Variants in SORCS1 observed in about 807,000 individuals in gnomAD.
SORCS1 encodes the protein VPS10 domain-containing receptor SorCS1.
Under a neutral mutation model 146.1 loss-of-function variants are expected in SORCS1, and 60 were observed. The ratio of observed to expected loss-of-function variants is 0.41; its 90% confidence interval spans 0.33 to 0.51. The LOEUF is 0.51. Ranked by LOEUF, SORCS1 falls within the 20% of genes least tolerant of loss-of-function variation. The pLI, the probability that SORCS1 is intolerant of heterozygous loss-of-function variation, is 0.21. For missense variants in SORCS1, 1,352 were observed against 1,487.6 expected (o/e 0.91, Z 1.50); for synonymous variants, 637 against 584.0 (o/e 1.09, Z -1.31).
intron 1 of SORCS1, among the ~76,000 whole-genome samples, chr10:107,030,364 A>T (rs1478146378): frequency 6.6e-6 from 1 of 152,338 alleles, no homozygotes; most frequent in South Asian, 2.1e-4. Flanking sequence ...AGTGACAGAT[A>T]AGAAAATGCA....
chr10:107,172,262 GT>G, the SORCS1 span, among the ~76,000 whole-genome samples: 1 of 152,156 alleles, frequency 6.6e-6, no homozygotes, highest in East Asian at 1.9e-4. Context: ...TGCTACCATA[GT>G]TTAACCCCAA....
intron 18 of SORCS1, among the ~76,000 whole-genome samples, chr10:106,651,369 T>G (rs768020050): frequency 6.6e-6 from 1 of 152,154 alleles, no homozygotes; most frequent in African/African-American, 2.4e-5. Flanking sequence ...TGAAGCACAA[T>G]GCACAATGCA....
intron 6 of SORCS1, among the ~76,000 whole-genome samples, chr10:106,717,491 G>A (rs1474900928): frequency 6.6e-6 from 1 of 152,224 alleles, no homozygotes. Flanking sequence ...TTGGCATGAT[G>A]AGTGTGATTT....
intron 1 of SORCS1, among the ~76,000 whole-genome samples, chr10:107,037,624 C>G (rs573377216): frequency 1.3e-5 from 2 of 152,300 alleles, no homozygotes; most frequent in South Asian, 4.1e-4. Flanking sequence ...TTTCAGAATA[C>G]TGAACATTAT....
At chr10:107,126,731 T>C (rs1377431492) in intron 1 of SORCS1, among the ~76,000 whole-genome samples, 1 of 152,138 alleles carries the variant, frequency 6.6e-6, no homozygotes, top group East Asian at 1.9e-4. Context: ...ATGTGGATTT[T>C]ATCTCCTTTA....
At chr10:106,619,526 G>A (rs762174839) in intron 20 of SORCS1, among the ~76,000 whole-genome samples, 2 of 152,210 alleles carry the variant, frequency 1.3e-5, no homozygotes, top group Non-Finnish European at 2.9e-5. Context: ...TTTCAGTCCA[G>A]AGCAGTTCAT....
At position 107,164,385 on chromosome 10, in the gene SORCS1, G is replaced by A. The variant is rs200375127; in HGVS notation, c.142C>T (p.Arg48Cys). 4.2e-4 allele frequency: 606 copies of A among 1,459,776 alleles called. 5 individuals carry two copies. Among genetic ancestry groups the A allele is most frequent in the East Asian group, 1.9e-3 (76 of 40,216 alleles). The allele number at this position is 1,459,776 out of a possible 1,614,324, so 90.4% of individuals were successfully genotyped here. The part of the protein sequence containing the change: ...CPSPHPSSAP[R>C]SASTPRGFSH... ...AAGCCCCTAGGGGTCGAGGCCGAGC[G>A]TGGAGCGGAGCTGGGGTGCGGCGAG... The change falls in exon 1 of 26, where the codon CGC becomes TGC. Residue 48 changes from arginine to cysteine, a missense_variant. Physicochemically the swap from Arg to Cys is radical, Grantham distance 180 (BLOSUM62 -3). Around this residue, in one of 3 missense-constraint regions of SORCS1, gnomAD observed 490 missense variants for 489.1 expected, o/e 1.00. Transcript: ENST00000263054. This position sits in a 1 kb window ranked among gnomAD's most constrained non-coding sequence, Gnocchi z 6.8.
chr10:107,086,915 G>C, intron 1 of SORCS1, among the ~76,000 whole-genome samples: 1 of 152,216 alleles, frequency 6.6e-6, no homozygotes, highest in East Asian at 1.9e-4. Context: ...TGTAGTCCCA[G>C]CTACTCGGGA....
chr10:106,707,596 C>A (rs919230039), intron 7 of SORCS1, among the ~76,000 whole-genome samples: 1 of 152,150 alleles, frequency 6.6e-6, no homozygotes, highest in Non-Finnish European at 1.5e-5. Context: ...AACTCCTGGG[C>A]TCAAGTGATC....
At chr10:106,738,727 C>T (rs187068452) in intron 5 of SORCS1, among the ~76,000 whole-genome samples, 134 of 152,332 alleles carry the variant, frequency 8.8e-4, no homozygotes, top group African/African-American at 3.1e-3. Context: ...CGCAGTGGCT[C>T]ACACCTGTAA....
At chr10:107,022,255 C>T (rs1315164928) in intron 1 of SORCS1, among the ~76,000 whole-genome samples, 1 of 152,092 alleles carries the variant, frequency 6.6e-6, no homozygotes, top group Non-Finnish European at 1.5e-5. Context: ...CTGGTGAAGG[C>T]CGGGTTAATT....
intron 24 of SORCS1, among the ~76,000 whole-genome samples, chr10:106,589,949 C>T (rs1289222855): frequency 6.6e-6 from 1 of 152,158 alleles, no homozygotes; most frequent in Non-Finnish European, 1.5e-5. Context: ...AATAAAATTT[C>T]TTCACTAGCG....
At chr10:106,694,008 A>C (rs949711754) in intron 9 of SORCS1, among the ~76,000 whole-genome samples, 1 of 152,066 alleles carries the variant, frequency 6.6e-6, no homozygotes, top group Non-Finnish European at 1.5e-5. Flanking sequence ...AAAAGATGAA[A>C]CAACGACTGT....
intron 4 of SORCS1, among the ~76,000 whole-genome samples, chr10:106,767,939 T>C (rs1414169504): frequency 6.6e-6 from 1 of 152,250 alleles, no homozygotes; most frequent in Non-Finnish European, 1.5e-5. Context: ...CCCAATTGCT[T>C]GTTTTAAAAT....
At chr10:107,165,384 A>C (rs957999568), upstream of SORCS1, among the ~76,000 whole-genome samples, 2 of 151,400 alleles carry the variant, frequency 1.3e-5, no homozygotes, top group Admixed American at 1.3e-4. The surrounding 1 kb of genome is among the most constrained non-coding windows in gnomAD (Gnocchi z 4.0). Context: ...TAACCTCCTA[A>C]AGCATTCACT....
At chr10:107,153,719 T>A (rs12412751) in intron 1 of SORCS1, among the ~76,000 whole-genome samples, 2,139 of 152,332 alleles carry the variant, frequency 0.014, 115 homozygotes, top group Admixed American at 0.1. Context: ...TGGAATTCAG[T>A]TTTAATGAGG....
chr10:106,972,736 C>A (rs1955840786), intron 1 of SORCS1, among the ~76,000 whole-genome samples: 1 of 152,140 alleles, frequency 6.6e-6, no homozygotes, highest in Non-Finnish European at 1.5e-5. Flanking sequence ...AGATGAATTA[C>A]TATGGGAATA....
intron 1 of SORCS1, among the ~76,000 whole-genome samples, chr10:106,985,084 G>C (rs1043904313): frequency 1.3e-5 from 2 of 152,118 alleles, no homozygotes; most frequent in African/African-American, 4.8e-5. Flanking sequence ...CTACTCAGGA[G>C]GCTGAGGAAG....
intron 1 of SORCS1, among the ~76,000 whole-genome samples, chr10:107,056,663 A>G (rs966597122): frequency 3.3e-5 from 5 of 152,354 alleles, no homozygotes; most frequent in African/African-American, 9.6e-5. Flanking sequence ...TCAACCACTT[A>G]TAAGTGATAA....
Sources: gnomAD v4.1 joint callset for allele counts (sites outside exome capture counted in the v4.1 genomes callset) on GRCh38, gnomAD v4.1.1 for gene constraint, gnomAD v4.1.1 regional missense constraint, Gnocchi (gnomAD v3.1) non-coding constraint, MANE v1.5 for transcripts, NCBI Gene and HGNC (gene_info 2026-07-23, HGNC 2026-07-21) for gene names.